Variants in SLC5A11 observed in about 807,000 individuals in gnomAD.
SLC5A11 encodes sodium/myo-inositol cotransporter 2.
Under a neutral mutation model 69.8 loss-of-function variants are expected in SLC5A11, and 48 were observed. The ratio of observed to expected loss-of-function variants is 0.69; its 90% CI spans 0.55 to 0.87. The LOEUF is 0.87. Ranked by LOEUF, SLC5A11 falls within the 40% of genes least tolerant of loss-of-function variation. The pLI is 0.00. For missense variants in SLC5A11, 784 were observed against 866.1 expected, an observed-to-expected ratio of 0.91 and a Z score of 1.19; for synonymous variants, 319 against 342.4, an observed-to-expected ratio of 0.93 and a Z score of 0.75.
intron 1 of SLC5A11, among the ~76,000 whole-genome samples, chr16:24,856,597 CAAAAAAAAAA>C (rs35867622): frequency 3.4e-5 from 3 of 88,828 alleles, no homozygotes; most frequent in Admixed American, 3.0e-4. Context: ...ACTAAAAATA[CAAAAAAAAAA>C]AAAAAAAAAA....
chr16:24,870,055 G>C, intron 4 of SLC5A11, 50 bp downstream of exon 5: 1 of 1,316,636 alleles, frequency 7.6e-7, no homozygotes, highest in Non-Finnish European at 1.1e-6. Context: ...TACCTAACAG[G>C]TAGATCTCAG....
chr16:24,894,294 C>T (rs2152382137), intron 9 of SLC5A11, among the ~76,000 whole-genome samples: 1 of 152,302 alleles, frequency 6.6e-6, no homozygotes, highest in Non-Finnish European at 1.5e-5. Context: ...CATGCTCCAC[C>T]ATGACAGCTC....
At chr16:24,868,840 T>C (rs530958139) in intron 3 of SLC5A11, among the ~76,000 whole-genome samples, 1 of 151,564 alleles carries the variant, frequency 6.6e-6, no homozygotes, top group African/African-American at 2.4e-5. Context: ...CTTTTTCTTC[T>C]TGCTCCCTCC....
intron 14 of SLC5A11, 47 bp downstream of exon 15, chr16:24,909,143 G>A: frequency 6.3e-7 from 1 of 1,592,000 alleles, no homozygotes; most frequent in East Asian, 2.2e-5. Context: ...TTTGTTGGAA[G>A]TGACAGAAAA....
chr16:24,855,433 A>C (rs1348964508), intron 1 of SLC5A11, among the ~76,000 whole-genome samples: 5 of 115,684 alleles, frequency 4.3e-5, no homozygotes, highest in Non-Finnish European at 6.4e-5. Context: ...CTTCATCTCT[A>C]CAAAAAAAAA....
chr16:24,873,139 A>C (rs1441321557), intron 5 of SLC5A11, among the ~76,000 whole-genome samples: 1 of 135,932 alleles, frequency 7.4e-6, no homozygotes, highest in Non-Finnish European at 1.6e-5. Flanking sequence ...CTCCGTCAGA[A>C]GGAAAGGAAA....
chr16:24,871,822 C>T (rs1315781869), intron 4 of SLC5A11, among the ~76,000 whole-genome samples: 1 of 152,086 alleles, frequency 6.6e-6, no homozygotes, highest in Non-Finnish European at 1.5e-5. Context: ...TTGTGGTCGT[C>T]TTTGAACCCA....
At chr16:24,878,842 A>G (rs1220744602) in intron 7 of SLC5A11, among the ~76,000 whole-genome samples, 5 of 152,084 alleles carry the variant, frequency 3.3e-5, no homozygotes, top group African/African-American at 1.2e-4. Flanking sequence ...AGACCAGCCT[A>G]GCCAACATGG....
chr16:24,882,636 G>T (rs975421629), intron 7 of SLC5A11, among the ~76,000 whole-genome samples: 4 of 152,144 alleles, frequency 2.6e-5, no homozygotes, highest in African/African-American at 9.7e-5. Flanking sequence ...TCATCATTAT[G>T]AATTTTTATG....
At chr16:24,849,593 A>AAAATAT in intron 1 of SLC5A11, among the ~76,000 whole-genome samples, 26 of 35,904 alleles carry the variant, frequency 7.2e-4, no homozygotes, top group African/African-American at 2.3e-3. Flanking sequence ...AAAAAAAAAA[A>AAAATAT]ATATATATAT....
intron 2 of SLC5A11, 62 bp from the exon 4 acceptor site, chr16:24,862,539 A>G (rs1301361388): frequency 2.7e-6 from 4 of 1,467,302 alleles, no homozygotes; most frequent in Non-Finnish European, 3.8e-6. Flanking sequence ...GGCCTAGGCC[A>G]TTTTGAGATG....
intron 7 of SLC5A11, among the ~76,000 whole-genome samples, chr16:24,878,492 T>C (rs536637771): frequency 1.2e-4 from 18 of 152,346 alleles, no homozygotes; most frequent in African/African-American, 4.3e-4. Flanking sequence ...TCCATATATA[T>C]GTGTGTGTCT....
rs954406330 is a variant in SLC5A11, at chr16:24,873,055, G to A, written c.372+836G>A. 6.0e-5 allele frequency among the ~76,000 whole-genome samples: 4 copies of A among 66,398 alleles called. No homozygotes were observed. The Admixed American group carries it at 6.9e-4, about 11-fold the overall frequency. 43.6% of individuals were successfully genotyped at this position (66,398 alleles called of 152,430 possible). On this transcript the variant is annotated intron_variant, in intron 5 of 15. Transcript: ENST00000347898. ...CTCGGGAGGCTGAAGTGGGAGAATT[G>A]CTTGAACCCAGGAGGTGGAGTAAAG...
intron 2 of SLC5A11, 75 bp from the exon 4 acceptor site, chr16:24,862,526 C>A: frequency 2.4e-6 from 3 of 1,255,012 alleles, no homozygotes; most frequent in Non-Finnish European, 2.3e-6. Context: ...GCAATCCCTG[C>A]CTGGCCTAGG....
chr16:24,867,846 G>A (rs999376493), intron 3 of SLC5A11, among the ~76,000 whole-genome samples: 19 of 152,060 alleles, frequency 1.2e-4, no homozygotes, highest in Admixed American at 1.0e-3. Flanking sequence ...TCTATAAAAA[G>A]TAAAGACAGG....
chr16:24,882,357 G>A (rs1234124056), intron 7 of SLC5A11, among the ~76,000 whole-genome samples: 2 of 152,186 alleles, frequency 1.3e-5, no homozygotes, highest in African/African-American at 4.8e-5. Context: ...CACTGCATGC[G>A]TGAACGGCAG....
intron 6 of SLC5A11, among the ~76,000 whole-genome samples, chr16:24,876,810 C>T (rs1002628879): frequency 1.3e-5 from 2 of 152,114 alleles, no homozygotes; most frequent in East Asian, 3.9e-4. Context: ...ATCTGGGAGG[C>T]CCAGGTACAC....
At chr16:24,890,880 G>A in exon 9 of SLC5A11, 7 of 1,614,114 alleles carry the variant, frequency 4.3e-6, no homozygotes, top group Non-Finnish European at 5.9e-6. Flanking sequence ...TTTCGCCGCG[G>A]TTGGTGGGAT....
At chr16:24,852,323 T>G (rs533683889) in intron 1 of SLC5A11, among the ~76,000 whole-genome samples, 7 of 152,028 alleles carry the variant, frequency 4.6e-5, no homozygotes, top group Admixed American at 3.3e-4. Context: ...GTGTGGAAAT[T>G]TTTCACATCT....
Sources: allele counts gnomAD v4.1 joint callset (sites outside exome capture counted in the v4.1 genomes callset), GRCh38; gene constraint gnomAD v4.1.1; transcripts MANE v1.5; gene names NCBI Gene and HGNC (gene_info 2026-07-23, HGNC 2026-07-21).